The following BPTF variants were observed in gnomAD, a reference collection of about 807,000 sequenced individuals.
The protein encoded by BPTF is bromodomain PHD finger transcription factor.
Under a neutral mutation model 292.5 loss-of-function variants are expected in BPTF, and 18 were observed. The ratio of observed to expected loss-of-function variants is 0.06; its 90% CI spans 0.04 to 0.09. The LOEUF (loss-of-function observed/expected upper bound fraction) is 0.09. Among genes scored for constraint, BPTF ranks in the 10% least tolerant of loss-of-function variants. The pLI is 1.00. For missense variants in BPTF, 2,726 were observed against 3,498.7 expected, an observed-to-expected ratio of 0.78 and a Z score of 5.57; for synonymous variants, 1,225 against 1,251.9, an observed-to-expected ratio of 0.98 and a Z score of 0.45.
intron 21 of BPTF, 84 bp downstream of exon 21, chr17:67,946,409 T>C (rs2065814527): frequency 6.6e-7 from 1 of 1,523,426 alleles, no homozygotes; most frequent in Non-Finnish European, 8.8e-7. Context: ...TTGTGTTAGG[T>C]TTCCTAAATG....
chr17:67,914,538 C>T (rs1475834980), intron 11 of BPTF, among the ~76,000 whole-genome samples: 2 of 152,116 alleles, frequency 1.3e-5, no homozygotes, highest in Admixed American at 1.3e-4. Flanking sequence ...GAGAGCGGTC[C>T]CAAAATGTAT....
chr17:67,976,869 CTA>C (rs2069544638), intron 27 of BPTF, among the ~76,000 whole-genome samples: 1 of 151,962 alleles, frequency 6.6e-6, no homozygotes, highest in Non-Finnish European at 1.5e-5. Flanking sequence ...CCCCTGCACT[CTA>C]TGAGGGGTGG....
In BPTF at chr17:67,854,213, G is replaced by T; in HGVS notation, c.887G>T (p.Arg296Leu). The T allele has an allele frequency of 6.2e-7, 1 of 1,614,188 alleles. No homozygotes were observed. Among genetic ancestry groups the T allele is most frequent in the Non-Finnish European group, 8.5e-7 (1 of 1,180,038 alleles). Residue 296 changes from arginine (R) to leucine (L), a missense_variant, in exon 2 of 28, where the codon CGT becomes CTT. Arg to Leu is a moderately radical substitution (Grantham distance 102). This residue lies in a region of BPTF where 102 missense variants were observed against 212.6 expected (regional missense o/e 0.48). Transcript: ENST00000306378. This position sits in a 1 kb window ranked among gnomAD's most constrained non-coding sequence, Gnocchi z 5.6. Reference protein sequence around the residue: ...MHVVLLKAVLREEDTSNTTFG... With the variant: ...MHVVLLKAVLLEEDTSNTTFG... ...GTTGTGCTTTTGAAAGCAGTTCTGC[G>T]TGAAGAAGACACTTCCAATACTACC...
chr17:67,909,504 T>A, intron 9 of BPTF, 78 bp from the exon 10 acceptor site: 2 of 987,346 alleles, frequency 2.0e-6, no homozygotes, highest in Non-Finnish European at 2.8e-6. Flanking sequence ...ATTACTTGTT[T>A]ATTTTCACTA....
chr17:67,881,857 T>TG (rs2060434909), intron 4 of BPTF, among the ~76,000 whole-genome samples: 2 of 9,862 alleles, frequency 2.0e-4, no homozygotes, highest in Non-Finnish European at 5.7e-4. Flanking sequence ...TTTGGGTTTT[T>TG]GTTTTTTTTT....
intron 1 of BPTF, among the ~76,000 whole-genome samples, chr17:67,843,644 G>A (rs1394977693): frequency 6.7e-6 from 1 of 149,118 alleles, no homozygotes; most frequent in African/African-American, 2.5e-5. Flanking sequence ...ATACAGAAAA[G>A]CTTAGTTAAT....
At chr17:67,915,607 G>GCCA (rs932141204) in intron 11 of BPTF, among the ~76,000 whole-genome samples, 15 of 152,178 alleles carry the variant, frequency 9.9e-5, no homozygotes, top group African/African-American at 3.4e-4. Context: ...ACTGGATGTG[G>GCCA]TTTCTGGGAA....
intron 1 of BPTF, among the ~76,000 whole-genome samples, chr17:67,828,549 A>G (rs2056336291): frequency 6.6e-6 from 1 of 152,122 alleles, no homozygotes; most frequent in Non-Finnish European, 1.5e-5. Flanking sequence ...TTTTTTTGAG[A>G]AGGAGTTTTG....
chr17:67,874,631 T>C (rs973255726), intron 3 of BPTF, among the ~76,000 whole-genome samples, 186 bp from the exon 4 acceptor site: 1 of 152,204 alleles, frequency 6.6e-6, no homozygotes, highest in Non-Finnish European at 1.5e-5. Flanking sequence ...GTACACCAAA[T>C]TGATTGAATT....
intron 1 of BPTF, among the ~76,000 whole-genome samples, chr17:67,844,877 G>A (rs1217728559): frequency 6.6e-6 from 1 of 152,144 alleles, no homozygotes; most frequent in African/African-American, 2.4e-5. Flanking sequence ...CCTAGGAGCT[G>A]GGATTATAGG....
rs974640576 is a variant in BPTF, at chr17:67,940,568, T to C, written c.6389T>C (p.Ile2130Thr). ...SLTSATSTSN[I>T]QSSASQPPRP... The stretch of plus-strand genomic sequence containing the variant: ...ACTTCAGCAACGTCCACTTCAAATA[T>C]ACAGTCTTCAGCCTCACAACCCCCT... Residue 2130 changes from isoleucine (I) to threonine (T), a missense_variant, in exon 19 of 28, where the codon ATA (isoleucine) becomes ACA (threonine). Coordinates refer to ENST00000306378, the MANE Select transcript of BPTF (RefSeq NM_182641.4). The C allele has an allele frequency of 3.7e-6, 6 of 1,614,104 alleles. No individual in the cohort carries two copies. In the Admixed American group the frequency reaches 1.0e-4, roughly 27 times the overall value.
intron 23 of BPTF, chr17:67,956,376 G>A (rs2066943973): frequency 6.6e-6 from 1 of 151,520 alleles, no homozygotes; most frequent in Admixed American, 6.6e-5. Flanking sequence ...GGAGCACAGT[G>A]GTGCCATCAT....
intron 1 of BPTF, among the ~76,000 whole-genome samples, chr17:67,852,016 A>G (rs1311088693): frequency 6.6e-6 from 1 of 151,956 alleles, no homozygotes; most frequent in Non-Finnish European, 1.5e-5. Context: ...GCTCAGTGGC[A>G]TATTCTAAAT....
intron 3 of BPTF, among the ~76,000 whole-genome samples, chr17:67,870,971 G>A (rs1288291892): frequency 6.6e-6 from 1 of 151,014 alleles, no homozygotes; most frequent in Non-Finnish European, 1.5e-5. Context: ...GGGTTTCACC[G>A]TTTTTTAGCC....
intron 4 of BPTF, among the ~76,000 whole-genome samples, chr17:67,880,470 A>G (rs1486662045): frequency 6.6e-6 from 1 of 152,162 alleles, no homozygotes; most frequent in African/African-American, 2.4e-5. Flanking sequence ...AACTTATTTT[A>G]TTTTTAAATG....
chr17:67,837,481 C>T (rs1233431587), intron 1 of BPTF, among the ~76,000 whole-genome samples: 1 of 151,652 alleles, frequency 6.6e-6, no homozygotes, highest in Admixed American at 6.6e-5. Context: ...GATCTCAGCT[C>T]ACTGCAACCT....
intron 26 of BPTF, among the ~76,000 whole-genome samples, chr17:67,973,575 T>G (rs782031892): frequency 6.6e-6 from 1 of 151,986 alleles, no homozygotes; most frequent in Non-Finnish European, 1.5e-5. Flanking sequence ...TGGTGCGATC[T>G]TGGCTCACTG....
chr17:67,829,616 C>T (rs2056474072), intron 1 of BPTF, among the ~76,000 whole-genome samples: 1 of 152,100 alleles, frequency 6.6e-6, no homozygotes, highest in Non-Finnish European at 1.5e-5. Context: ...TGGAGGAAGG[C>T]TGTCAGGTAA....
intron 4 of BPTF, among the ~76,000 whole-genome samples, chr17:67,887,947 T>C (rs184849356): frequency 6.6e-6 from 1 of 152,292 alleles, no homozygotes; most frequent in East Asian, 1.9e-4. Context: ...AGGAAGGAAT[T>C]TGAGTGGCTT....
Sources: allele counts gnomAD v4.1 joint callset (sites outside exome capture counted in the v4.1 genomes callset), GRCh38; gene constraint gnomAD v4.1.1; regional missense constraint gnomAD v4.1.1; non-coding constraint Gnocchi (gnomAD v3.1); transcripts MANE v1.5; gene names NCBI Gene and HGNC (gene_info 2026-07-23, HGNC 2026-07-21).